Variants in FAM131B observed in about 807,000 individuals in gnomAD.
FAM131B encodes family with sequence similarity 131 member B, also known as protein FAM131B.
A neutral mutation model predicts 42.0 loss-of-function variants in FAM131B; 19 were observed. The ratio of observed to expected loss-of-function variants is 0.45; its 90% CI spans 0.32 to 0.66. The LOEUF (loss-of-function observed/expected upper bound fraction) is 0.66. FAM131B is among the 30% of genes least tolerant of loss of function. The probability of loss-of-function intolerance (pLI) is 0.05; values close to 1 mark genes in which losing one functional copy is unlikely to be tolerated. For missense variants in FAM131B, 370 were observed against 468.4 expected, an observed-to-expected ratio of 0.79 and a Z score of 1.94; for synonymous variants, 183 against 177.6, an observed-to-expected ratio of 1.03 and a Z score of -0.24.
chr7:143,364,061 C>T (rs1211807750), upstream of FAM131B: 1 of 152,170 alleles, frequency 6.6e-6, no homozygotes, highest in Non-Finnish European at 1.5e-5. Context: ...ATCTATAAAA[C>T]CGCGGGAAGG....
the FAM131B span, chr7:143,380,891 G>A: frequency 4.5e-6 from 3 of 661,046 alleles, no homozygotes; most frequent in Non-Finnish European, 3.7e-6. The surrounding 1 kb of genome is among the most constrained non-coding windows in gnomAD (Gnocchi z 5.0). Context: ...GCAGGCCCGA[G>A]AGGAGGTCGC....
In FAM131B at chr7:143,362,652, CG is replaced by C. The variant is rs1167974918; in HGVS notation, c.-50del. 75 of 1,133,144 alleles carry C rather than the reference CG, an allele frequency of 6.6e-5. No individual in the cohort carries two copies. The highest frequency in any genetic ancestry group is 7.4e-5 in the Non-Finnish European group (68 of 913,466). The allele number at this position is 1,133,144 out of a possible 1,614,324, so 70.2% of individuals were successfully genotyped here. ...GCCCTCACCGACTCGGGGCGCGCGC[CG>C]GGGGGAGCACCGGGAGCCGCGCCGC... On this transcript the variant is annotated 5_prime_UTR_variant, in exon 1 of 7. Transcript: ENST00000443739. This position sits in a 1 kb window ranked among gnomAD's most constrained non-coding sequence, Gnocchi z 7.7.
At chr7:143,357,523 TATA>T in intron 5 of FAM131B, 100 bp from the exon 6 acceptor site, 1 of 953,804 alleles carries the variant, frequency 1.0e-6, no homozygotes, top group Admixed American at 2.9e-5. Context: ...TCAGTAGAAA[TATA>T]ATGCAAGCCA....
chr7:143,356,183 A>C lies in FAM131B; in HGVS notation c.*367T>G. The stretch of plus-strand genomic sequence containing the variant: ...CAGAGTTACAGCTCCTGGAAGACGA[A>C]ATCGGGGCGTGAAGAACTGAGATCC... On this transcript the variant is annotated 3_prime_UTR_variant, in exon 7 of 7. Transcript: ENST00000443739. The surrounding 1 kb of genome is among the most constrained non-coding windows in gnomAD (Gnocchi z 4.4). 1 of 235,708 alleles carries C rather than the reference A, an allele frequency of 4.2e-6. No individual in the cohort carries two copies. The highest frequency in any genetic ancestry group is 9.1e-5 in the East Asian group (1 of 11,030). The allele number at this position is 235,708 out of a possible 1,614,324, so 14.6% of individuals were successfully genotyped here. A position where few individuals can be genotyped will look rare whatever the true frequency, so the allele number is the denominator to read the frequency against.
the FAM131B span, among the ~76,000 whole-genome samples, chr7:143,369,636 C>T: frequency 1.4e-5 from 2 of 145,748 alleles, no homozygotes; most frequent in Admixed American, 1.4e-4. Flanking sequence ...GATCGCACCA[C>T]TGCACTACAG....
chr7:143,378,881 T>A, the FAM131B span, among the ~76,000 whole-genome samples: 1 of 152,224 alleles, frequency 6.6e-6, no homozygotes, highest in African/African-American at 2.4e-5. Flanking sequence ...CAGCCCATTG[T>A]CTTCATTTTA....
At chr7:143,364,936 C>T (rs1271114743), upstream of FAM131B, among the ~76,000 whole-genome samples, 1 of 152,130 alleles carries the variant, frequency 6.6e-6, no homozygotes, top group Admixed American at 6.5e-5. Flanking sequence ...AAGCTGGGGT[C>T]CCCAGGAATA....
chr7:143,375,008 C>G, the FAM131B span, among the ~76,000 whole-genome samples: 2 of 152,184 alleles, frequency 1.3e-5, no homozygotes, highest in Non-Finnish European at 2.9e-5. Flanking sequence ...CCTCCAAAGG[C>G]CTGAACTCAC....
the FAM131B span, among the ~76,000 whole-genome samples, chr7:143,370,657 G>T: frequency 6.6e-6 from 1 of 152,074 alleles, no homozygotes; most frequent in Admixed American, 6.6e-5. Context: ...TTACCTTATG[G>T]TCTAAAATGG....
chr7:143,380,517 C>T, the FAM131B span: 1 of 985,514 alleles, frequency 1.0e-6, no homozygotes, highest in African/African-American at 1.7e-5. The surrounding 1 kb of genome is among the most constrained non-coding windows in gnomAD (Gnocchi z 5.0). Flanking sequence ...TCCGTCCTCC[C>T]GGGTCTCCAG....
At chr7:143,381,604 C>T in the FAM131B span, 2 of 1,611,768 alleles carry the variant, frequency 1.2e-6, no homozygotes, top group Non-Finnish European at 8.5e-7. Flanking sequence ...CCGCGATCTC[C>T]GTTTCGGTCT....
rs773549394 is a variant in FAM131B at position 143,360,270 on chromosome 7, G to A, written c.29-121C>T. On this transcript the variant is annotated intron_variant, in intron 1 of 6. Transcript: ENST00000443739. ...GCTGCCCATTTCCTCTTATATCCCT[G>A]CACTCTCCAAATTCTAGGGGAGACA... 3.4e-6 allele frequency: 5 copies of A among 1,491,022 alleles called. No individual in the cohort carries two copies. The South Asian group carries it at 5.2e-5, about 16-fold the overall frequency. The allele number at this position is 1,491,022 out of a possible 1,614,324, so 92.4% of individuals were successfully genotyped here.
At chr7:143,381,360 C>G in the FAM131B span, 1 of 1,156,054 alleles carries the variant, frequency 8.7e-7, no homozygotes, top group Non-Finnish European at 1.1e-6. Context: ...GTCTGCGGAC[C>G]CGGCGCCGAG....
the FAM131B span, among the ~76,000 whole-genome samples, chr7:143,378,610 G>T: frequency 3.4e-4 from 43 of 125,932 alleles, no homozygotes; most frequent in Non-Finnish European, 5.3e-4. Context: ...GTCTCACTCT[G>T]TTGCCCAGGC....
At chr7:143,381,693 C>T in the FAM131B span, 1 of 1,607,298 alleles carries the variant, frequency 6.2e-7, no homozygotes, top group South Asian at 1.1e-5. Flanking sequence ...CCCTTCCGGC[C>T]CGGGGACAGC....
Position 143,353,884 on chromosome 7 carries a change from AG to A in FAM131B, c.*2665del, listed in dbSNP as rs1477492006. The A allele has an allele frequency of 2.6e-5, 4 of 151,774 alleles. No homozygotes were observed. Among genetic ancestry groups the A allele is most frequent in the Non-Finnish European group, 5.9e-5 (4 of 67,940 alleles). 9.4% of individuals were successfully genotyped at this position (151,774 alleles called of 1,614,324 possible). ...GAAAGTGCACCCCCCCTCCAAAAAA[AG>A]AAAATCATTTAGCAAGAGCAGTTTC... On this transcript the variant is annotated 3_prime_UTR_variant, in exon 7 of 7. Transcript: ENST00000443739.
At chr7:143,373,431 T>C in the FAM131B span, among the ~76,000 whole-genome samples, 63 of 152,054 alleles carry the variant, frequency 4.1e-4, no homozygotes, top group Non-Finnish European at 1.5e-5. Context: ...TGTGCAGTAG[T>C]TGTGTAGTTT....
rs1803830537 is a variant in FAM131B, at chr7:143,359,179, C to G, written c.268+147G>C. On this transcript the variant is annotated intron_variant, in intron 4 of 6. Transcript: ENST00000443739. This position sits in a 1 kb window ranked among gnomAD's most constrained non-coding sequence, Gnocchi z 5.4. ...TAGATGGGGTAGTGGAGGGAATGGCCTGGAGGATGGGAGGCTTGACAGAAG... is the reference window on the plus strand; with the variant it reads ...TAGATGGGGTAGTGGAGGGAATGGCGTGGAGGATGGGAGGCTTGACAGAAG... 1.9e-6 allele frequency: 2 copies of G among 1,027,626 alleles called. No homozygotes were observed. The highest frequency in any genetic ancestry group is 2.9e-6 in the Non-Finnish European group (2 of 688,492). 63.7% of individuals were successfully genotyped at this position (1,027,626 alleles called of 1,614,324 possible).
the FAM131B span, chr7:143,382,260 C>A: frequency 3.7e-6 from 6 of 1,612,662 alleles, no homozygotes; most frequent in Admixed American, 1.0e-4. Flanking sequence ...TTTCCCCTGC[C>A]TCCACCTCCC....
Sources: allele counts gnomAD v4.1 joint callset (sites outside exome capture counted in the v4.1 genomes callset), GRCh38; gene constraint gnomAD v4.1.1; non-coding constraint Gnocchi (gnomAD v3.1); transcripts MANE v1.5; gene names NCBI Gene and HGNC (gene_info 2026-07-23, HGNC 2026-07-21).